Variants in FBXL7 observed in about 807,000 individuals in gnomAD.
The protein encoded by FBXL7 is F-box/LRR-repeat protein 7.
FBXL7 carries 12 observed loss-of-function variants against 38.3 expected under a neutral mutation model. The observed-to-expected ratio is 0.31, with a 90% confidence interval of 0.20 to 0.51. FBXL7 has a LOEUF of 0.51. Ranked by LOEUF, FBXL7 falls within the 20% of genes least tolerant of loss-of-function variation. The pLI is 0.98. For missense variants in FBXL7, 567 were observed against 676.4 expected, an observed-to-expected ratio of 0.84 and a Z score of 1.79; for synonymous variants, 297 against 300.9, an observed-to-expected ratio of 0.99 and a Z score of 0.13.
At chr5:15,899,800 G>A (rs948829784) in intron 2 of FBXL7, among the ~76,000 whole-genome samples, 2 of 152,078 alleles carry the variant, frequency 1.3e-5, no homozygotes, top group African/African-American at 4.8e-5. Context: ...AACTGAGAAG[G>A]GAAAGAGCTT....
chr5:15,736,771 G>A (rs2126670123), intron 2 of FBXL7, among the ~76,000 whole-genome samples: 1 of 152,260 alleles, frequency 6.6e-6, no homozygotes, highest in Non-Finnish European at 1.5e-5. Flanking sequence ...AGCCTGTCTT[G>A]CAGCAGGAGG....
At chr5:15,817,013 T>A (rs1263346380) in intron 2 of FBXL7, among the ~76,000 whole-genome samples, 1 of 152,212 alleles carries the variant, frequency 6.6e-6, no homozygotes, top group Non-Finnish European at 1.5e-5. Context: ...GTTATGTGGC[T>A]GATGGTGAGG....
At chr5:15,593,650 G>GT (rs1421696138) in intron 1 of FBXL7, among the ~76,000 whole-genome samples, 2 of 152,136 alleles carry the variant, frequency 1.3e-5, no homozygotes, top group Non-Finnish European at 2.9e-5. Context: ...AAGCTAAATA[G>GT]TTTAAGAGAT....
intron 2 of FBXL7, among the ~76,000 whole-genome samples, chr5:15,674,133 A>C (rs1008226072): frequency 6.6e-6 from 1 of 152,206 alleles, no homozygotes; most frequent in Non-Finnish European, 1.5e-5. Context: ...GCTTTGAAAC[A>C]GAAGTGTGAT....
chr5:15,584,085 G>A lies in FBXL7; in HGVS notation c.38-31898G>A, dbSNP rs145400722. Among the ~76,000 whole-genome samples, 672 of 152,238 alleles carry A rather than the reference G, an allele frequency of 4.4e-3. 4 individuals carry two copies. The highest frequency in any genetic ancestry group is 0.015 in the African/African-American group (640 of 41,556). Reference sequence around the variant, plus strand: ...AGCTGTACCTTGACCCCTTTTAACCGCAGCTGGAGCTGGAGTGGCTGGGAT... The same window carrying A: ...AGCTGTACCTTGACCCCTTTTAACCACAGCTGGAGCTGGAGTGGCTGGGAT... On this transcript the variant is annotated intron_variant, in intron 1 of 3. Transcript: ENST00000504595.
At chr5:15,898,710 A>G (rs991605578) in intron 2 of FBXL7, among the ~76,000 whole-genome samples, 4 of 152,284 alleles carry the variant, frequency 2.6e-5, no homozygotes, top group South Asian at 2.1e-4. Context: ...AGAAAACTCA[A>G]TGTATTCTCG....
Position 15,928,242 on chromosome 5 carries a change from G to A in FBXL7, c.480G>A (p.Thr160=), listed in dbSNP as rs764304989. ...DPRLWRTIRL[T]GETINVDRAL... is the part of the protein sequence containing the mutation. ...GGCTCTGGAGGACTATCCGCCTGAC[G>A]GGCGAGACCATCAACGTGGACCGCG... Residue 160 remains threonine (T), a synonymous_variant, in exon 3 of 4, where the codon ACG becomes ACA. Transcript: ENST00000504595. This position sits in a 1 kb window ranked among gnomAD's most constrained non-coding sequence, Gnocchi z 4.0. The A allele has an allele frequency of 1.2e-6, 2 of 1,611,326 alleles. No individual in the cohort carries two copies. The highest frequency in any genetic ancestry group is 2.2e-5 in the East Asian group (1 of 44,740).
intron 2 of FBXL7, among the ~76,000 whole-genome samples, chr5:15,898,651 T>C (rs933119997): frequency 1.3e-5 from 2 of 152,240 alleles, no homozygotes; most frequent in Non-Finnish European, 2.9e-5. Context: ...TAAAAAGATG[T>C]GTCGCAGGAT....
chr5:15,927,543 G>A (rs1741906732), intron 2 of FBXL7, among the ~76,000 whole-genome samples: 3 of 152,162 alleles, frequency 2.0e-5, no homozygotes, highest in South Asian at 2.1e-4. Flanking sequence ...AGGCCAAGGC[G>A]GGCGGATGAC....
At position 15,806,030 on chromosome 5, in the gene FBXL7, T is replaced by G. The variant is rs535974827; in HGVS notation, c.128-121860T>G. Among the ~76,000 whole-genome samples the G allele has an allele frequency of 1.1e-4, 17 of 152,266 alleles. 1 individual carries two copies. In the East Asian group the frequency reaches 3.3e-3, roughly 29 times the overall value. On this transcript the variant is annotated intron_variant, in intron 2 of 3. Transcript: ENST00000504595. Reference sequence around the variant, plus strand: ...AAAACCTCATAATCACAGAATAAAATTTTACAAGTGATAGGGCTCTTTAAG... The same window carrying G: ...AAAACCTCATAATCACAGAATAAAAGTTTACAAGTGATAGGGCTCTTTAAG...
chr5:15,786,226 T>C (rs1003562429), intron 2 of FBXL7, among the ~76,000 whole-genome samples: 1 of 152,202 alleles, frequency 6.6e-6, no homozygotes, highest in Non-Finnish European at 1.5e-5. Flanking sequence ...TAAAATTAGA[T>C]GGCATTAGAG....
intron 2 of FBXL7, among the ~76,000 whole-genome samples, chr5:15,895,963 C>A (rs1176910944): frequency 6.6e-6 from 1 of 151,480 alleles, no homozygotes; most frequent in Non-Finnish European, 1.5e-5. Flanking sequence ...ACTTTTAAAC[C>A]CAAGGCCAGC....
intron 2 of FBXL7, among the ~76,000 whole-genome samples, chr5:15,842,808 A>G (rs1303064122): frequency 6.6e-6 from 1 of 152,170 alleles, no homozygotes; most frequent in African/African-American, 2.4e-5. Context: ...GCCTTCCACC[A>G]TGATTGTGAG....
chr5:15,864,175 G>A (rs930193393), intron 2 of FBXL7, among the ~76,000 whole-genome samples: 2 of 152,052 alleles, frequency 1.3e-5, no homozygotes, highest in Non-Finnish European at 2.9e-5. Flanking sequence ...TAGAGTTGTA[G>A]GTGGTTCCCT....
At chr5:15,620,336 G>T (rs543175868) in intron 2 of FBXL7, among the ~76,000 whole-genome samples, 2 of 149,072 alleles carry the variant, frequency 1.3e-5, no homozygotes, top group African/African-American at 5.0e-5. Context: ...AGGTTCAAGC[G>T]ATTCTCCTGC....
At chr5:15,777,839 A>G (rs1490028682) in intron 2 of FBXL7, among the ~76,000 whole-genome samples, 1 of 151,720 alleles carries the variant, frequency 6.6e-6, no homozygotes, top group African/African-American at 2.4e-5. Flanking sequence ...GTGATCTAGG[A>G]CAATACTAAT....
At chr5:15,619,890 T>G (rs1006679339) in intron 2 of FBXL7, among the ~76,000 whole-genome samples, 6 of 152,206 alleles carry the variant, frequency 3.9e-5, no homozygotes, top group Admixed American at 3.9e-4. Flanking sequence ...GACATCTACA[T>G]GGTAGCTAAC....
At chr5:15,816,550 T>G (rs1579488655) in intron 2 of FBXL7, among the ~76,000 whole-genome samples, 1 of 152,304 alleles carries the variant, frequency 6.6e-6, no homozygotes, top group South Asian at 2.1e-4. Context: ...ACATGTAATG[T>G]ACATGACTCC....
At chr5:15,620,255 A>G (rs1740586225) in intron 2 of FBXL7, among the ~76,000 whole-genome samples, 1 of 146,042 alleles carries the variant, frequency 6.8e-6, no homozygotes, top group Admixed American at 6.9e-5. Flanking sequence ...TTGTTGAGAC[A>G]GAGTTTCACT....
Sources: allele counts gnomAD v4.1 joint callset (sites outside exome capture counted in the v4.1 genomes callset), GRCh38; gene constraint gnomAD v4.1.1; non-coding constraint Gnocchi (gnomAD v3.1); transcripts MANE v1.5; gene names NCBI Gene and HGNC (gene_info 2026-07-23, HGNC 2026-07-21).